VPS13B: variants seen among roughly 807,000 people sequenced by gnomAD.
VPS13B encodes intermembrane lipid transfer protein VPS13B.
VPS13B carries 285 observed loss-of-function variants against 426.4 expected under a neutral mutation model. The observed-to-expected ratio is 0.67, with a 90% CI of 0.61 to 0.74. VPS13B has a LOEUF of 0.74. VPS13B is among the 30% of genes least tolerant of loss of function. VPS13B has a pLI of 0.00. For missense variants in VPS13B, 4,537 were observed against 4,782.6 expected (o/e 0.95, Z 1.51); for synonymous variants, 1,676 against 1,676.4 (o/e 1.00, Z 0.01).
chr8:99,856,163 A>G (rs1816533925), intron 56 of VPS13B, among the ~76,000 whole-genome samples: 1 of 152,242 alleles, frequency 6.6e-6, no homozygotes, highest in Non-Finnish European at 1.5e-5. Flanking sequence ...GAGCTTTCAC[A>G]AGAACATTCT....
At chr8:99,213,711 C>T (rs1279230964) in intron 17 of VPS13B, among the ~76,000 whole-genome samples, 1 of 152,078 alleles carries the variant, frequency 6.6e-6, no homozygotes, top group African/African-American at 2.4e-5. Flanking sequence ...AGCATGTCCT[C>T]AACTTTGCAG....
chr8:99,108,346 C>A (rs1310136056), intron 5 of VPS13B, among the ~76,000 whole-genome samples: 1 of 152,124 alleles, frequency 6.6e-6, no homozygotes, highest in East Asian at 1.9e-4. Context: ...GATTTATATT[C>A]ATAAGCGTGT....
intron 31 of VPS13B, among the ~76,000 whole-genome samples, chr8:99,568,090 G>A (rs540421298): frequency 2.0e-5 from 3 of 152,152 alleles, no homozygotes; most frequent in South Asian, 4.2e-4. Context: ...AGTTGAGCAC[G>A]TTTAAGGGTT....
intron 3 of VPS13B, among the ~76,000 whole-genome samples, chr8:99,076,279 T>G (rs1384203264): frequency 6.6e-6 from 1 of 152,210 alleles, no homozygotes. Context: ...GCCTAATATA[T>G]GATTTACACT....
chr8:99,618,795 T>C (rs1828218906), intron 33 of VPS13B, among the ~76,000 whole-genome samples: 2 of 152,188 alleles, frequency 1.3e-5, no homozygotes, highest in Admixed American at 1.3e-4. Context: ...GTTATTCTTT[T>C]AGTGGCTTTT....
rs370885346 is a variant in VPS13B at position 99,818,635 on chromosome 8, A to G, written c.8446-78A>G. 139 of 1,603,230 alleles carry G rather than the reference A, an allele frequency of 8.7e-5. 2 individuals carry two copies. The East Asian group carries it at 2.5e-3, about 29-fold the overall frequency. The stretch of plus-strand genomic sequence containing the variant: ...TGACCCAGGGAAGAGATTTATTACA[A>G]GTTTGTTTCAGCATCAAACAGCTGG... On this transcript the variant is annotated intron_variant, in intron 46 of 61. Transcript: ENST00000357162.
intron 33 of VPS13B, among the ~76,000 whole-genome samples, chr8:99,623,988 A>AACAT (rs1828478262): frequency 1.1e-5 from 1 of 89,544 alleles, no homozygotes; most frequent in Non-Finnish European, 2.1e-5. Context: ...ATGTCTATGA[A>AACAT]ACATACATAT....
intron 19 of VPS13B, among the ~76,000 whole-genome samples, chr8:99,344,468 AGGGTAGGT>A (rs1811424718): frequency 6.6e-6 from 1 of 152,228 alleles, no homozygotes; most frequent in African/African-American, 2.4e-5. Context: ...GCTGAGTTAT[AGGGTAGGT>A]ATGTCTTTTA....
intron 41 of VPS13B, 47 bp from the exon 42 acceptor site, chr8:99,778,635 T>G: frequency 1.3e-6 from 2 of 1,526,656 alleles, no homozygotes; most frequent in South Asian, 2.3e-5. Context: ...TTTCACAAAA[T>G]ATTGGCTCAT....
chr8:99,476,457 A>G (rs1819694814), intron 24 of VPS13B, among the ~76,000 whole-genome samples: 2 of 150,548 alleles, frequency 1.3e-5, no homozygotes, highest in Admixed American at 6.6e-5. Context: ...ATTGAGTGCT[A>G]CATGTAAGGC....
At chr8:99,478,997 T>G (rs546104601) in intron 24 of VPS13B, among the ~76,000 whole-genome samples, 1 of 152,318 alleles carries the variant, frequency 6.6e-6, no homozygotes, top group Non-Finnish European at 1.5e-5. Context: ...CCTTGATTTC[T>G]GTTGACATTG....
At chr8:99,651,743 C>T (rs1430257298) in intron 34 of VPS13B, among the ~76,000 whole-genome samples, 1 of 152,136 alleles carries the variant, frequency 6.6e-6, no homozygotes, top group East Asian at 1.9e-4. Flanking sequence ...GACTATGCAG[C>T]CCAAGGCAGC....
At chr8:99,587,000 G>A (rs1008355311) in intron 33 of VPS13B, among the ~76,000 whole-genome samples, 1 of 152,034 alleles carries the variant, frequency 6.6e-6, no homozygotes, top group African/African-American at 2.4e-5. Context: ...AGGCCCCGGT[G>A]TGTGATGTTC....
chr8:99,376,201 T>A (rs573385377), intron 19 of VPS13B, among the ~76,000 whole-genome samples: 2 of 152,180 alleles, frequency 1.3e-5, no homozygotes, highest in African/African-American at 4.8e-5. Context: ...ACTGCCAAAT[T>A]TTAGTGATCT....
intron 19 of VPS13B, among the ~76,000 whole-genome samples, chr8:99,364,776 AG>A (rs1375820776): frequency 5.3e-5 from 8 of 152,158 alleles, no homozygotes; most frequent in African/African-American, 1.9e-4. Context: ...TTTTGGGATC[AG>A]GGTAATACTT....
chr8:99,468,696 G>T (rs903839877), intron 24 of VPS13B, among the ~76,000 whole-genome samples: 2 of 152,022 alleles, frequency 1.3e-5, no homozygotes, highest in African/African-American at 2.4e-5. Context: ...CTGCACTCCA[G>T]CCTGGGCAAT....
intron 33 of VPS13B, among the ~76,000 whole-genome samples, chr8:99,591,463 T>A (rs1441393923): frequency 6.6e-6 from 1 of 152,136 alleles, no homozygotes; most frequent in Non-Finnish European, 1.5e-5. Flanking sequence ...TCTTTACTAT[T>A]TGGCATGTTT....
At chr8:99,023,562 C>T (rs1842002836) in intron 2 of VPS13B, among the ~76,000 whole-genome samples, 1 of 151,598 alleles carries the variant, frequency 6.6e-6, no homozygotes, top group South Asian at 2.1e-4. Flanking sequence ...CTCACTGCAA[C>T]CTCTGCCTCC....
chr8:99,062,758 C>T (rs553998046), intron 3 of VPS13B, among the ~76,000 whole-genome samples: 49 of 152,284 alleles, frequency 3.2e-4, no homozygotes, highest in Middle Eastern at 3.4e-3. Flanking sequence ...TGTAAGCCAC[C>T]ACGCCTGGCC....
Sources: allele counts gnomAD v4.1 joint callset (sites outside exome capture counted in the v4.1 genomes callset), GRCh38; gene constraint gnomAD v4.1.1; transcripts MANE v1.5; gene names NCBI Gene and HGNC (gene_info 2026-07-23, HGNC 2026-07-21).